PACSIN2: variants seen among roughly 807,000 people sequenced by gnomAD.
PACSIN2 encodes protein kinase C and casein kinase substrate in neurons 2.
In PACSIN2, 25 loss-of-function variants were observed where a neutral mutation model predicts 63.8. The observed-to-expected ratio is 0.39, with a 90% CI of 0.29 to 0.55. The LOEUF (loss-of-function observed/expected upper bound fraction) is 0.55. PACSIN2 is among the 20% of genes least tolerant of loss of function. The pLI is 0.62. For synonymous variants in PACSIN2, 255 were observed against 256.2 expected (o/e 1.00, Z 0.05); for missense variants, 518 against 646.9 (o/e 0.80, Z 2.16).
chr22:42,953,847 G>A (rs1933803326), intron 1 of PACSIN2, among the ~76,000 whole-genome samples: 1 of 152,200 alleles, frequency 6.6e-6, no homozygotes, highest in African/African-American at 2.4e-5. Context: ...GTGATTGTGT[G>A]ATTACAAGGA....
intron 2 of PACSIN2, among the ~76,000 whole-genome samples, chr22:42,897,706 G>A (rs140306671): frequency 7.2e-5 from 11 of 152,366 alleles, no homozygotes; most frequent in Admixed American, 1.3e-4. Context: ...GAGGGACTCA[G>A]TGCTTGGGCA....
intron 1 of PACSIN2, among the ~76,000 whole-genome samples, chr22:43,009,011 A>T (rs929572383): frequency 4.1e-5 from 1 of 24,402 alleles, no homozygotes; most frequent in Non-Finnish European, 7.1e-5. Context: ...TCACATACAG[A>T]AAAGGTGTTT....
intron 2 of PACSIN2, chr22:42,909,345 AC>A (rs971644229): frequency 9.2e-5 from 32 of 349,298 alleles, no homozygotes; most frequent in African/African-American, 6.7e-4. Context: ...AAAATTAAAC[AC>A]AAAAAACTTT....
intron 1 of PACSIN2, among the ~76,000 whole-genome samples, chr22:42,928,339 G>A (rs1932667964): frequency 6.6e-6 from 1 of 152,204 alleles, no homozygotes; most frequent in South Asian, 2.1e-4. Flanking sequence ...TCTTACACAT[G>A]CATCAGAAAT....
intron 1 of PACSIN2, among the ~76,000 whole-genome samples, chr22:42,939,561 G>A (rs1014547944): frequency 5.3e-5 from 8 of 152,170 alleles, no homozygotes; most frequent in Non-Finnish European, 1.0e-4. Context: ...CAACCCCACA[G>A]AGGGAATGGG....
chr22:42,883,689 AT>A (rs1326570510), intron 6 of PACSIN2, among the ~76,000 whole-genome samples: 14 of 152,234 alleles, frequency 9.2e-5, no homozygotes, highest in Admixed American at 3.9e-4. Context: ...GAAATGCCAG[AT>A]TCACCTCCAG....
At position 42,893,597 on chromosome 22, in the gene PACSIN2, C is replaced by T. The variant is rs749432192; in HGVS notation, c.77G>A (p.Arg26Gln). Residue 26 changes from arginine (R) to glutamine (Q), a missense_variant, in exon 3 of 11, where the codon CGG (arginine) becomes CAG (glutamine). Around this residue, in one of 2 missense-constraint regions of PACSIN2, gnomAD observed 507 missense variants for 612.3 expected, o/e 0.83. Transcript: ENST00000263246. The stretch of plus-strand genomic sequence containing the variant: ...GCCATCGTCGATCCGCTTCACAGTC[C>T]GCTTGTAGTTCCCGACCTAGGAGAG... ...DSFWEVGNYKRTVKRIDDGHR... is the reference protein window; with the variant it reads ...DSFWEVGNYKQTVKRIDDGHR... 1.9e-5 allele frequency: 31 copies of T among 1,613,872 alleles called. No individual in the cohort carries two copies. The highest frequency in any genetic ancestry group is 5.0e-5 in the Admixed American group (3 of 59,994).
intron 1 of PACSIN2, among the ~76,000 whole-genome samples, chr22:42,998,405 G>A (rs1329288348): frequency 3.3e-5 from 5 of 152,088 alleles, no homozygotes; most frequent in Admixed American, 6.5e-5. Flanking sequence ...ATGCCCTGAC[G>A]CATGACTCGC....
At chr22:42,906,677 T>G (rs560704876) in intron 2 of PACSIN2, among the ~76,000 whole-genome samples, 4 of 152,120 alleles carry the variant, frequency 2.6e-5, no homozygotes, top group African/African-American at 7.2e-5. Context: ...CTGAAAAAGG[T>G]AGGTATACAG....
chr22:42,900,731 C>T (rs1260891162), intron 2 of PACSIN2, among the ~76,000 whole-genome samples: 3 of 152,176 alleles, frequency 2.0e-5, no homozygotes, highest in East Asian at 1.9e-4. Context: ...AACTTGGACT[C>T]CCAAAGTGCT....
rs572617457 is a variant in PACSIN2 at position 42,987,698 on chromosome 22, A to G, written c.-78+27323T>C. ...AGGTGCGCACCACCACACCCGGCTA[A>G]TTTTTTGTATTTTTAGTAGAGACAG... On this transcript the variant is annotated intron_variant, in intron 1 of 10. Coordinates refer to ENST00000263246, the MANE Select transcript of PACSIN2 (RefSeq NM_001184970.3). 7.9e-4 allele frequency among the ~76,000 whole-genome samples: 120 copies of G among 151,346 alleles called. 4 individuals carry two copies. The South Asian group carries it at 0.012, about 16-fold the overall frequency.
At chr22:42,964,011 C>T (rs757695828) in intron 1 of PACSIN2, among the ~76,000 whole-genome samples, 1 of 152,184 alleles carries the variant, frequency 6.6e-6, no homozygotes, top group African/African-American at 2.4e-5. Context: ...CAACCATCAC[C>T]ACCGTCAAGG....
At chr22:42,892,147 G>A (rs771609372) in intron 3 of PACSIN2, among the ~76,000 whole-genome samples, 1 of 152,164 alleles carries the variant, frequency 6.6e-6, no homozygotes, top group Non-Finnish European at 1.5e-5. Context: ...CAGGAAGGAA[G>A]CCCTAATCCA....
At chr22:42,966,820 G>A (rs1292584679) in intron 1 of PACSIN2, among the ~76,000 whole-genome samples, 1 of 152,236 alleles carries the variant, frequency 6.6e-6, no homozygotes, top group South Asian at 2.1e-4. Flanking sequence ...ATCCAAGAAA[G>A]ATCTGAAATT....
At chr22:42,938,298 G>A (rs1932997399) in intron 1 of PACSIN2, among the ~76,000 whole-genome samples, 1 of 152,174 alleles carries the variant, frequency 6.6e-6, no homozygotes, top group Non-Finnish European at 1.5e-5. Context: ...ACACGGTTCT[G>A]AAGATCCCAC....
intron 1 of PACSIN2, among the ~76,000 whole-genome samples, chr22:42,919,065 T>C (rs1931994252): frequency 1.3e-5 from 2 of 152,170 alleles, no homozygotes; most frequent in African/African-American, 4.8e-5. Flanking sequence ...GACAAGCTGC[T>C]CTTTAATGCC....
At chr22:42,902,331 C>T (rs146159223) in intron 2 of PACSIN2, among the ~76,000 whole-genome samples, 2 of 152,232 alleles carry the variant, frequency 1.3e-5, no homozygotes, top group East Asian at 3.9e-4. Context: ...CTCTGCTGCC[C>T]CAGGACGCTT....
chr22:43,014,377 C>T (rs1417686469), intron 1 of PACSIN2, among the ~76,000 whole-genome samples: 266 of 19,132 alleles, frequency 0.014, 4 homozygotes, highest in African/African-American at 0.071. Context: ...ACCCCCCCCC[C>T]CCCGGGACAC....
intron 1 of PACSIN2, among the ~76,000 whole-genome samples, chr22:42,935,781 C>G (rs1932898637): frequency 6.6e-6 from 1 of 152,110 alleles, no homozygotes; most frequent in Non-Finnish European, 1.5e-5. Flanking sequence ...CACCCTCAGA[C>G]AGCATGAGAC....
Sources: allele counts gnomAD v4.1 joint callset (sites outside exome capture counted in the v4.1 genomes callset), GRCh38; gene constraint gnomAD v4.1.1; regional missense constraint gnomAD v4.1.1; transcripts MANE v1.5; gene names NCBI Gene and HGNC (gene_info 2026-07-23, HGNC 2026-07-21).